GALNT17: variants seen among roughly 807,000 people sequenced by gnomAD.
GALNT17 encodes the protein polypeptide N-acetylgalactosaminyltransferase 17.
In GALNT17, 29 loss-of-function variants were observed where a neutral mutation model predicts 63.7. The observed-to-expected ratio is 0.46, with a 90% CI of 0.34 to 0.62. The LOEUF is 0.62. Ranked by LOEUF, GALNT17 falls within the 20% of genes least tolerant of loss-of-function variation. The pLI, the probability that GALNT17 is intolerant of heterozygous loss-of-function variation, is 0.01. For missense variants in GALNT17, 603 were observed against 799.6 expected, an observed-to-expected ratio of 0.75 and a Z score of 2.97; for synonymous variants, 305 against 318.3, an observed-to-expected ratio of 0.96 and a Z score of 0.45.
chr7:71,228,003 C>T (rs550681936), intron 1 of GALNT17, among the ~76,000 whole-genome samples: 41 of 152,098 alleles, frequency 2.7e-4, no homozygotes, highest in Admixed American at 1.2e-3. Flanking sequence ...TAATTCAGCC[C>T]GATAGAGGAG....
chr7:71,382,321 A>C (rs541194286), intron 2 of GALNT17, among the ~76,000 whole-genome samples: 32 of 152,260 alleles, frequency 2.1e-4, no homozygotes, highest in African/African-American at 7.7e-4. Flanking sequence ...CGGAGGGTAC[A>C]GTGAGTCGAG....
rs116252079 is a variant in GALNT17 at position 71,337,490 on chromosome 7, A to G, written c.422+1757A>G. ...TAGAATTTTACTAGACCCTTCCAAT[A>G]CTGGGTACTAGCATGTAAAAAATGC... On this transcript the variant is annotated intron_variant, in intron 2 of 10. Coordinates refer to ENST00000333538, the MANE Select transcript of GALNT17 (RefSeq NM_022479.3). Among the ~76,000 whole-genome samples, 568 of 152,328 alleles carry G rather than the reference A, an allele frequency of 3.7e-3. 3 individuals are homozygous for G. Among genetic ancestry groups the G allele is most frequent in the African/African-American group, 0.013 (533 of 41,566 alleles).
chr7:71,240,499 A>T (rs1789973676), intron 1 of GALNT17, among the ~76,000 whole-genome samples: 1 of 151,960 alleles, frequency 6.6e-6, no homozygotes, highest in African/African-American at 2.4e-5. Flanking sequence ...CATTGTTTAG[A>T]TCCCACTTAT....
intron 5 of GALNT17, among the ~76,000 whole-genome samples, chr7:71,538,829 TGGACGGAGGGAGAGAGAAAGGAA>T (rs1788841749): frequency 1.4e-5 from 2 of 147,760 alleles, no homozygotes. Flanking sequence ...GACGGACAGT[TGGACGGAGGGAGAGAGAAAGGAA>T]GGAGGGAGGG....
chr7:71,427,590 C>G (rs899762018), intron 5 of GALNT17, among the ~76,000 whole-genome samples: 2 of 152,032 alleles, frequency 1.3e-5, no homozygotes, highest in African/African-American at 4.8e-5. Flanking sequence ...TTCTTGTTTG[C>G]CCCATGTACT....
At chr7:71,672,384 G>A (rs1022574607) in intron 8 of GALNT17, among the ~76,000 whole-genome samples, 6 of 152,144 alleles carry the variant, frequency 3.9e-5, no homozygotes, top group African/African-American at 1.4e-4. Context: ...GGCTTTCTAA[G>A]AATGAAATCC....
chr7:71,255,599 A>G (rs1790274410), intron 1 of GALNT17, among the ~76,000 whole-genome samples: 1 of 152,190 alleles, frequency 6.6e-6, no homozygotes, highest in Admixed American at 6.5e-5. Flanking sequence ...TTTCCTGCAT[A>G]AGATTCATTT....
Position 71,217,927 on chromosome 7 carries a change from C to CAAA in GALNT17, c.238+84898_238+84900dup, listed in dbSNP as rs35568352. Among the ~76,000 whole-genome samples the CAAA allele has an allele frequency of 1.1e-3, 157 of 142,842 alleles. 1 individual carries two copies. Among genetic ancestry groups the CAAA allele is most frequent in the South Asian group, 8.8e-3 (39 of 4,450 alleles). 93.7% of individuals were successfully genotyped at this position (142,842 alleles called of 152,430 possible). On this transcript the variant is annotated intron_variant, in intron 1 of 10. Transcript: ENST00000333538. ...TGGGTGACAGAGCTAGACTCCGTCTCAAAAAAAAAAAAATTCAATAATAGG... is the reference window on the plus strand; with the variant it reads ...TGGGTGACAGAGCTAGACTCCGTCTCAAAAAAAAAAAAAAAATTCAATAATAGG...
chr7:71,498,226 A>T (rs1336093993), intron 5 of GALNT17, among the ~76,000 whole-genome samples: 1 of 152,208 alleles, frequency 6.6e-6, no homozygotes, highest in Non-Finnish European at 1.5e-5. Flanking sequence ...CTGTAATCCC[A>T]GCACTTTGGT....
chr7:71,249,326 G>A (rs1313986220), intron 1 of GALNT17, among the ~76,000 whole-genome samples: 2 of 151,802 alleles, frequency 1.3e-5, no homozygotes, highest in Non-Finnish European at 2.9e-5. Flanking sequence ...CGTTAATTTT[G>A]GGAGACATGT....
intron 9 of GALNT17, among the ~76,000 whole-genome samples, chr7:71,691,629 G>C (rs1791444338): frequency 6.6e-6 from 1 of 152,178 alleles, no homozygotes; most frequent in Non-Finnish European, 1.5e-5. Context: ...AGTGGAGATT[G>C]TGAGTTGAGA....
chr7:71,500,099 G>A (rs1788156520), intron 5 of GALNT17, among the ~76,000 whole-genome samples: 1 of 152,096 alleles, frequency 6.6e-6, no homozygotes, highest in African/African-American at 2.4e-5. Context: ...CCCAGTCTCA[G>A]GCAGTCCTTT....
At chr7:71,198,377 A>G (rs752847146) in intron 1 of GALNT17, among the ~76,000 whole-genome samples, 4 of 152,186 alleles carry the variant, frequency 2.6e-5, no homozygotes, top group Non-Finnish European at 5.9e-5. Flanking sequence ...GCAGTAACAG[A>G]AAGACCTTCA....
intron 5 of GALNT17, among the ~76,000 whole-genome samples, chr7:71,455,526 A>G (rs1245414888): frequency 6.7e-6 from 1 of 148,910 alleles, no homozygotes; most frequent in Non-Finnish European, 1.5e-5. Flanking sequence ...TTGCATTTTA[A>G]TAAGTCTGTA....
intron 2 of GALNT17, among the ~76,000 whole-genome samples, chr7:71,377,046 A>G (rs1291041356): frequency 1.4e-5 from 2 of 141,972 alleles, no homozygotes; most frequent in Admixed American, 1.5e-4. Context: ...AGATTGTGCC[A>G]CTGCACTCCA....
chr7:71,593,148 G>T (rs1789834265), intron 6 of GALNT17, among the ~76,000 whole-genome samples: 1 of 114,574 alleles, frequency 8.7e-6, no homozygotes, highest in South Asian at 2.5e-4. Context: ...GGACCTTGTT[G>T]CAATAATAAT....
chr7:71,572,203 G>A (rs529943896), intron 6 of GALNT17, among the ~76,000 whole-genome samples: 1 of 150,224 alleles, frequency 6.7e-6, no homozygotes, highest in African/African-American at 2.4e-5. Flanking sequence ...GTAGGAAGAC[G>A]CTGTCTCTAT....
intron 5 of GALNT17, among the ~76,000 whole-genome samples, chr7:71,503,012 C>T (rs1446570386): frequency 6.6e-6 from 1 of 152,118 alleles, no homozygotes; most frequent in East Asian, 1.9e-4. Context: ...ATCACCCACC[C>T]TGAAATACTG....
At chr7:71,229,882 A>G (rs1471456672) in intron 1 of GALNT17, among the ~76,000 whole-genome samples, 1 of 152,184 alleles carries the variant, frequency 6.6e-6, no homozygotes, top group African/African-American at 2.4e-5. Flanking sequence ...ATAATGGAAA[A>G]AAGCCAAGAG....
Sources: gnomAD v4.1 joint callset for allele counts (sites outside exome capture counted in the v4.1 genomes callset) on GRCh38, gnomAD v4.1.1 for gene constraint, MANE v1.5 for transcripts, NCBI Gene and HGNC (gene_info 2026-07-23, HGNC 2026-07-21) for gene names.